INPP5A: variants seen among roughly 807,000 people sequenced by gnomAD.
INPP5A encodes the protein inositol polyphosphate-5-phosphatase A.
A neutral mutation model predicts 65.2 loss-of-function variants in INPP5A; 14 were observed. That is an observed-to-expected ratio of 0.21 (90% CI 0.14 to 0.34). INPP5A has a LOEUF of 0.34. INPP5A is among the 10% of genes least tolerant of loss of function. The probability of loss-of-function intolerance (pLI) is 1.00; values close to 1 mark genes in which losing one functional copy is unlikely to be tolerated. For missense variants in INPP5A, 431 were observed against 545.6 expected, an observed-to-expected ratio of 0.79 and a Z score of 2.09; for synonymous variants, 207 against 208.3, an observed-to-expected ratio of 0.99 and a Z score of 0.05.
intron 8 of INPP5A, among the ~76,000 whole-genome samples, chr10:132,711,968 G>A (rs1383175176): frequency 6.6e-6 from 1 of 152,208 alleles, no homozygotes; most frequent in East Asian, 1.9e-4. Flanking sequence ...CGTGGGTGGG[G>A]CCCCTGCCCC....
chr10:132,617,891 G>A (rs751873211), intron 2 of INPP5A, among the ~76,000 whole-genome samples: 2 of 152,262 alleles, frequency 1.3e-5, no homozygotes, highest in Non-Finnish European at 2.9e-5. Flanking sequence ...GCAGACACAT[G>A]TGCGTACAGC....
At chr10:132,718,032 C>A (rs535180856) in intron 8 of INPP5A, among the ~76,000 whole-genome samples, 1 of 147,586 alleles carries the variant, frequency 6.8e-6, no homozygotes, top group Non-Finnish European at 1.5e-5. Flanking sequence ...TCTGTCTGGG[C>A]GCCTTAGACG....
intron 9 of INPP5A, among the ~76,000 whole-genome samples, chr10:132,736,756 C>T (rs1043340918): frequency 6.6e-6 from 1 of 152,232 alleles, no homozygotes; most frequent in East Asian, 1.9e-4. Context: ...GTGTGCACTG[C>T]GTCCTGGGAG....
chr10:132,658,607 G>A (rs936687903), intron 4 of INPP5A, among the ~76,000 whole-genome samples: 4 of 152,098 alleles, frequency 2.6e-5, no homozygotes, highest in South Asian at 2.1e-4. Flanking sequence ...GACGCGTGTC[G>A]ATCTGTTTAC....
rs139336026 is a variant in INPP5A at position 132,656,439 on chromosome 10, C to T, written c.306+5934C>T. Among the ~76,000 whole-genome samples the T allele has an allele frequency of 1.6e-4, 25 of 152,348 alleles. 1 individual carries two copies. In the East Asian group the frequency reaches 4.8e-3, roughly 29 times the overall value. On this transcript the variant is annotated intron_variant, in intron 4 of 15. Coordinates refer to ENST00000368594, the MANE Select transcript of INPP5A (RefSeq NM_005539.5). ...GGACACACTGCCTCCAGGGACACCC[C>T]TGCCCCCGCCAGCTGTGCCTGCTCA... is the stretch of plus-strand genomic sequence containing the variant.
At chr10:132,673,482 T>C (rs1267877513) in intron 4 of INPP5A, among the ~76,000 whole-genome samples, 2 of 152,196 alleles carry the variant, frequency 1.3e-5, no homozygotes, top group African/African-American at 2.4e-5. Context: ...CTGCAAAGTA[T>C]TGCCACCTAG....
intron 11 of INPP5A, among the ~76,000 whole-genome samples, chr10:132,758,141 T>G (rs1195918756): frequency 9.3e-6 from 1 of 107,340 alleles, no homozygotes; most frequent in Non-Finnish European, 2.0e-5. Context: ...GCCAGTGCGA[T>G]GTTGTGGGTC....
intron 1 of INPP5A, among the ~76,000 whole-genome samples, chr10:132,596,953 A>ACATGTGCGCGTGTGTGCG (rs1564929084): frequency 1.7e-5 from 2 of 118,276 alleles, no homozygotes; most frequent in African/African-American, 3.6e-5. Flanking sequence ...GCGTGTGTGC[A>ACATGTGCGCGTGTGTGCG]CACATGTGTG....
intron 11 of INPP5A, among the ~76,000 whole-genome samples, chr10:132,758,129 A>G (rs1425908777): frequency 8.4e-6 from 1 of 118,828 alleles, no homozygotes; most frequent in Non-Finnish European, 1.8e-5. Context: ...CCGACCCCAC[A>G]GGCCAGTGCG....
chr10:132,652,502 GC>G (rs1214447979), intron 4 of INPP5A, among the ~76,000 whole-genome samples: 1 of 152,200 alleles, frequency 6.6e-6, no homozygotes, highest in African/African-American at 2.4e-5. Context: ...ACCAACGCAG[GC>G]CAAGGTCCGA....
chr10:132,742,123 G>C (rs1404008593), intron 9 of INPP5A, among the ~76,000 whole-genome samples: 1 of 152,220 alleles, frequency 6.6e-6, no homozygotes, highest in Non-Finnish European at 1.5e-5. Context: ...CATGCGCCAT[G>C]AGCCACGCTG....
chr10:132,781,724 TG>T, intron 14 of INPP5A, 136 bp from the exon 15 acceptor site: 1 of 732,696 alleles, frequency 1.4e-6, no homozygotes, highest in Non-Finnish European at 2.4e-6. Flanking sequence ...CTGCCTCTGC[TG>T]GCCATCAGCT....
chr10:132,575,460 C>T lies in INPP5A; in HGVS notation c.76-32455C>T, dbSNP rs1438756042. 1.3e-5 allele frequency among the ~76,000 whole-genome samples: 2 copies of T among 152,142 alleles called. No individual in the cohort carries two copies. Among genetic ancestry groups the T allele is most frequent in the Admixed American group, 1.3e-4 (2 of 15,264 alleles). ...CAGGGGCCTGCACGTCACTGTCAGT[C>T]TGGTTAAACATCATAAAATTAGTAA... On this transcript the variant is annotated intron_variant, in intron 1 of 15. Coordinates refer to ENST00000368594, the MANE Select transcript of INPP5A (RefSeq NM_005539.5). The surrounding 1 kb of genome is among the most constrained non-coding windows in gnomAD (Gnocchi z 5.4).
chr10:132,652,024 C>T (rs2072584392), intron 4 of INPP5A, among the ~76,000 whole-genome samples: 1 of 151,952 alleles, frequency 6.6e-6, no homozygotes, highest in Non-Finnish European at 1.5e-5. Flanking sequence ...GCCTTCCTCC[C>T]TCTCCCCCTT....
chr10:132,610,324 C>T (rs2071926845), intron 2 of INPP5A, among the ~76,000 whole-genome samples: 1 of 152,202 alleles, frequency 6.6e-6, no homozygotes, highest in African/African-American at 2.4e-5. Flanking sequence ...TCCTGGGTCC[C>T]CTCTGCCCCT....
In INPP5A at chr10:132,644,787, G is replaced by A. The variant is rs2072471994; in HGVS notation, c.118-1081G>A. On this transcript the variant is annotated intron_variant, in intron 2 of 15. Coordinates refer to ENST00000368594, the MANE Select transcript of INPP5A (RefSeq NM_005539.5). This position sits in a 1 kb window ranked among gnomAD's most constrained non-coding sequence, Gnocchi z 6.5. ...TGTTCCAGGGGAGCGGGGTCAATCA[G>A]TGCCTCACCCCTCATCCTGCTCAAG... Among the ~76,000 whole-genome samples the A allele has an allele frequency of 2.6e-5, 4 of 152,332 alleles. No individual in the cohort carries two copies. The South Asian group carries it at 8.3e-4, about 32-fold the overall frequency.
intron 5 of INPP5A, among the ~76,000 whole-genome samples, chr10:132,692,020 G>A (rs562984867): frequency 1.5e-3 from 232 of 152,332 alleles, no homozygotes; most frequent in Non-Finnish European, 2.3e-3. Context: ...CACGGCAGGT[G>A]TTGCTGCTGA....
chr10:132,703,067 C>T (rs528840791), intron 6 of INPP5A, among the ~76,000 whole-genome samples: 173 of 152,246 alleles, frequency 1.1e-3, no homozygotes, highest in Middle Eastern at 6.8e-3. Flanking sequence ...TGCCCCCCAC[C>T]CTTCGGACTC....
intron 1 of INPP5A, among the ~76,000 whole-genome samples, chr10:132,571,520 A>G (rs2133284647): frequency 6.6e-6 from 1 of 152,332 alleles, no homozygotes; most frequent in Admixed American, 6.5e-5. Context: ...CCAACTTTGG[A>G]CTACACAGAG....
Sources: allele counts gnomAD v4.1 joint callset (sites outside exome capture counted in the v4.1 genomes callset), GRCh38; gene constraint gnomAD v4.1.1; non-coding constraint Gnocchi (gnomAD v3.1); transcripts MANE v1.5; gene names NCBI Gene and HGNC (gene_info 2026-07-23, HGNC 2026-07-21).